The following TK2 variants were observed in gnomAD, a reference collection of about 807,000 sequenced individuals.
TK2 encodes the protein thymidine kinase 2, mitochondrial.
TK2 carries 35 observed loss-of-function variants against 41.9 expected under a neutral mutation model. The observed-to-expected ratio is 0.84, with a 90% CI of 0.64 to 1.11. The LOEUF is 1.11. TK2 is among the 50% of genes least tolerant of loss of function. The probability of loss-of-function intolerance (pLI) is 0.00; values close to 1 mark genes in which losing one functional copy is unlikely to be tolerated. For missense variants in TK2, 320 were observed against 351.1 expected (o/e 0.91, Z 0.71); for synonymous variants, 128 against 129.1 (o/e 0.99, Z 0.06).
intron 4 of TK2, among the ~76,000 whole-genome samples, chr16:66,534,982 CT>C (rs1965230651): frequency 6.6e-6 from 1 of 152,190 alleles, no homozygotes; most frequent in Non-Finnish European, 1.5e-5. Flanking sequence ...CACACCCGGC[CT>C]TTTCCTCATT....
chr16:66,536,144 C>T lies in TK2; in HGVS notation c.285+820G>A, dbSNP rs138451018. Among the ~76,000 whole-genome samples the T allele has an allele frequency of 4.8e-3, 720 of 148,778 alleles. 3 individuals carry two copies. The highest frequency in any genetic ancestry group is 0.01 in the Middle Eastern group (3 of 288). On this transcript the variant is annotated intron_variant, in intron 4 of 9. Coordinates refer to ENST00000544898, the MANE Select transcript of TK2 (RefSeq NM_004614.5). ...GCTTGAACCTGGGAGACAGAGGTTG[C>T]AGTGAGCCGAGATCGCGCCACTGCA...
rs931142665 is a variant in TK2 at position 66,542,067 on chromosome 16, C to T, written c.157-114G>A. The T allele has an allele frequency of 6.2e-5, 73 of 1,168,552 alleles. No individual in the cohort carries two copies. The African/African-American group carries it at 9.9e-4, about 16-fold the overall frequency. 72.4% of individuals were successfully genotyped at this position (1,168,552 alleles called of 1,614,324 possible). ...CCAGCATAATTGGTTCAGTCCAAGA[C>T]TTTCACATGTAAACCAAAATCCCTC... On this transcript the variant is annotated intron_variant, in intron 2 of 9. Transcript: ENST00000544898.
rs1024568392 is a variant in TK2 at position 66,514,168 on chromosome 16, C to G, written c.619-357G>C. Among the ~76,000 whole-genome samples, 5 of 152,068 alleles carry G rather than the reference C, an allele frequency of 3.3e-5. No individual in the cohort carries two copies. Among genetic ancestry groups the G allele is most frequent in the African/African-American group, 9.7e-5 (4 of 41,386 alleles). ...CTTTGCACGGTTTCCCTCTGATGCC[C>G]AGCCGAGGCTGGACTGTACTGCCGC... On this transcript the variant is annotated intron_variant, in intron 8 of 9. Transcript: ENST00000544898. The surrounding 1 kb of genome is among the most constrained non-coding windows in gnomAD (Gnocchi z 4.2).
intron 6 of TK2, among the ~76,000 whole-genome samples, chr16:66,527,788 G>T (rs1378312677): frequency 6.6e-6 from 1 of 152,140 alleles, no homozygotes; most frequent in African/African-American, 2.4e-5. Flanking sequence ...CCAGCACTTT[G>T]GGAGGCCAAG....
chr16:66,545,881 G>A (rs570202233), intron 2 of TK2, among the ~76,000 whole-genome samples: 1 of 151,964 alleles, frequency 6.6e-6, no homozygotes, highest in African/African-American at 2.4e-5. Flanking sequence ...AAGATCCCAC[G>A]CTATATGTTC....
intron 4 of TK2, among the ~76,000 whole-genome samples, chr16:66,533,452 A>C (rs1965181828): frequency 6.6e-6 from 1 of 151,952 alleles, no homozygotes; most frequent in East Asian, 1.9e-4. Context: ...TGGGAGCCCA[A>C]GGCAGGAGGA....
intron 1 of TK2, chr16:66,549,270 G>T: frequency 7.7e-7 from 1 of 1,301,580 alleles, no homozygotes; most frequent in Non-Finnish European, 9.8e-7. Flanking sequence ...CATTTTCCAC[G>T]TTATTTATTT....
chr16:66,541,904 A>T lies in TK2; in HGVS notation c.206T>A (p.Phe69Tyr). ...IASGKTTCLE[F>Y]FSNATDVEVL... is the part of the protein sequence containing the mutation. Reference sequence around the variant, plus strand: ...CTCGACGTCTGTCGCGTTGGAGAAGAATTCCAGGCATGTCGTCTTCCCACT... The same window carrying T: ...CTCGACGTCTGTCGCGTTGGAGAAGTATTCCAGGCATGTCGTCTTCCCACT... The change falls in exon 3 of 10, where the codon TTC becomes TAC. Residue 69 changes from phenylalanine (F) to tyrosine (Y), a missense_variant. By Grantham distance (22) the Phe-to-Tyr change is conservative. Coordinates refer to ENST00000544898, the MANE Select transcript of TK2 (RefSeq NM_004614.5). The T allele has an allele frequency of 6.2e-7, 1 of 1,614,138 alleles. No individual in the cohort carries two copies. Among genetic ancestry groups the T allele is most frequent in the Non-Finnish European group, 8.5e-7 (1 of 1,180,016 alleles).
Position 66,531,407 on chromosome 16 carries a change from G to A in TK2, c.348C>T (p.Thr116=), listed in dbSNP as rs777297594. Residue 116 remains threonine, a synonymous_variant, in exon 5 of 10, where the codon ACC becomes ACT. Coordinates refer to ENST00000544898, the MANE Select transcript of TK2 (RefSeq NM_004614.5). Reference sequence around the variant, plus strand: ...GAGGACGAGTATGCCTGTCCAGCATGGTGAGCTGCACATAAGTCTGTAGCG... The same window carrying A: ...GAGGACGAGTATGCCTGTCCAGCATAGTGAGCTGCACATAAGTCTGTAGCG... ...GLTLQTYVQL[T]MLDRHTRPQV... is the part of the protein sequence containing the mutation. The A allele has an allele frequency of 1.2e-6, 2 of 1,614,188 alleles. No individual in the cohort carries two copies. The highest frequency in any genetic ancestry group is 1.7e-6 in the Non-Finnish European group (2 of 1,180,024).
intron 3 of TK2, 80 bp downstream of exon 3, chr16:66,541,799 G>T: frequency 6.9e-7 from 1 of 1,444,052 alleles, no homozygotes; most frequent in South Asian, 1.1e-5. Context: ...AGTCCTATTG[G>T]ACAAGGTTAG....
At chr16:66,532,016 C>T (rs1017775304) in intron 4 of TK2, among the ~76,000 whole-genome samples, 1 of 151,316 alleles carries the variant, frequency 6.6e-6, no homozygotes, top group East Asian at 1.9e-4. Context: ...GTACTATGCT[C>T]AGTACCTAGG....
chr16:66,535,552 G>A (rs1965251307), intron 4 of TK2, among the ~76,000 whole-genome samples: 1 of 152,184 alleles, frequency 6.6e-6, no homozygotes, highest in East Asian at 1.9e-4. Context: ...GAAAGACTGA[G>A]AGGTTTTGCC....
chr16:66,536,118 C>A (rs760318886), intron 4 of TK2, among the ~76,000 whole-genome samples: 2 of 150,984 alleles, frequency 1.3e-5, no homozygotes, highest in African/African-American at 2.4e-5. Flanking sequence ...GCAGGAGAAT[C>A]GCTTGAACCT....
rs1260444016 is a variant in TK2 at position 66,548,192 on chromosome 16, G to C, written c.156+786C>G. 7 of 383,272 alleles carry C rather than the reference G, an allele frequency of 1.8e-5. No homozygotes were observed. In the East Asian group the frequency reaches 5.1e-4, roughly 28 times the overall value. The allele number at this position is 383,272 out of a possible 1,614,324, so 23.7% of individuals were successfully genotyped here. A position where few individuals can be genotyped will look rare whatever the true frequency, so the allele number is the denominator to read the frequency against. Reference sequence around the variant, plus strand: ...TTCAACAAACTTCCACAAATCTCAAGCATTTCAATCCTCTCTATGTGGTTT... The same window carrying C: ...TTCAACAAACTTCCACAAATCTCAACCATTTCAATCCTCTCTATGTGGTTT... On this transcript the variant is annotated intron_variant, in intron 2 of 9. Transcript: ENST00000544898.
intron 5 of TK2, 130 bp from the exon 6 acceptor site, chr16:66,529,197 T>A (rs545624734): frequency 2.4e-5 from 21 of 877,658 alleles, no homozygotes; most frequent in Non-Finnish European, 3.6e-5. Flanking sequence ...GCAGAGAGAG[T>A]GAAGCAGGAG....
intron 5 of TK2, among the ~76,000 whole-genome samples, chr16:66,530,558 A>G (rs1309613615): frequency 6.6e-6 from 1 of 152,224 alleles, no homozygotes; most frequent in Non-Finnish European, 1.5e-5. Flanking sequence ...ACTAAGAGCC[A>G]GACCCCATGA....
At chr16:66,512,418 T>C (rs1015346907) in intron 9 of TK2, among the ~76,000 whole-genome samples, 30 of 152,126 alleles carry the variant, frequency 2.0e-4, no homozygotes, top group Non-Finnish European at 3.5e-4. Context: ...TTTGTTTTTT[T>C]CCCTCATCAC....
rs1318130752 is a variant in TK2, at chr16:66,514,576, G to A, written c.619-765C>T. On this transcript the variant is annotated intron_variant, in intron 8 of 9. Coordinates refer to ENST00000544898, the MANE Select transcript of TK2 (RefSeq NM_004614.5). This position sits in a 1 kb window ranked among gnomAD's most constrained non-coding sequence, Gnocchi z 4.2. Reference sequence around the variant, plus strand: ...AAGTGAGGAGTGTCTCTGCCTGGCCGCCCATCGTCTAGGATGTGAGGACCC... The same window carrying A: ...AAGTGAGGAGTGTCTCTGCCTGGCCACCCATCGTCTAGGATGTGAGGACCC... Among the ~76,000 whole-genome samples the A allele has an allele frequency of 3.9e-5, 6 of 152,062 alleles. No homozygotes were observed. Among genetic ancestry groups the A allele is most frequent in the South Asian group, 2.1e-4 (1 of 4,828 alleles).
At chr16:66,536,001 G>A (rs1258323776) in intron 4 of TK2, among the ~76,000 whole-genome samples, 3 of 151,952 alleles carry the variant, frequency 2.0e-5, no homozygotes, top group South Asian at 2.1e-4. Flanking sequence ...GTCAGGAGAT[G>A]GAGACCATCC....
Sources: gnomAD v4.1 joint callset for allele counts (sites outside exome capture counted in the v4.1 genomes callset) on GRCh38, gnomAD v4.1.1 for gene constraint, Gnocchi (gnomAD v3.1) non-coding constraint, MANE v1.5 for transcripts, NCBI Gene and HGNC (gene_info 2026-07-23, HGNC 2026-07-21) for gene names.